The following PAX9 variants were observed in gnomAD, a reference collection of about 807,000 sequenced individuals.
PAX9 encodes paired box 9.
Under a neutral mutation model 29.1 loss-of-function variants are expected in PAX9, and 6 were observed. That is an observed-to-expected ratio of 0.21 (90% CI 0.11 to 0.41). The LOEUF (loss-of-function observed/expected upper bound fraction) is 0.41, where lower values mean the gene tolerates loss of function less well. Ranked by LOEUF, PAX9 falls within the 10% of genes least tolerant of loss-of-function variation. PAX9 has a pLI of 1.00. For missense variants in PAX9, 443 were observed against 479.1 expected, an observed-to-expected ratio of 0.92 and a Z score of 0.70; for synonymous variants, 217 against 211.7, an observed-to-expected ratio of 1.03 and a Z score of -0.22.
upstream of PAX9, among the ~76,000 whole-genome samples, chr14:36,660,455 G>A (rs1881215025): frequency 6.6e-6 from 1 of 152,212 alleles, no homozygotes; most frequent in African/African-American, 2.4e-5. Flanking sequence ...CATTCTGTTA[G>A]GTAATTTTGA....
At chr14:36,661,152 C>T (rs972971661), upstream of PAX9, among the ~76,000 whole-genome samples, 19 of 152,240 alleles carry the variant, frequency 1.2e-4, no homozygotes, top group African/African-American at 4.6e-4. Context: ...TAGCGTTAGC[C>T]GCCTGTGGTT....
intron 3 of PAX9, among the ~76,000 whole-genome samples, chr14:36,673,027 G>T (rs989290706): frequency 6.6e-6 from 1 of 150,896 alleles, no homozygotes; most frequent in Admixed American, 6.6e-5. Flanking sequence ...CACCACACCC[G>T]GCTAATTTTT....
chr14:36,672,678 G>A (rs1349846504), intron 3 of PAX9, among the ~76,000 whole-genome samples: 2 of 134,704 alleles, frequency 1.5e-5, no homozygotes, highest in Admixed American at 1.6e-4. Flanking sequence ...AAAGTAAAAA[G>A]TAAAATTAAG....
rs373205266 is a variant in PAX9 at position 36,677,734 on chromosome 14, A to C, written c.*1282A>C. The C allele has an allele frequency of 7.2e-5, 11 of 152,248 alleles. No individual in the cohort carries two copies. Among genetic ancestry groups the C allele is most frequent in the African/African-American group, 2.7e-4 (11 of 41,472 alleles). 9.4% of individuals were successfully genotyped at this position (152,248 alleles called of 1,614,324 possible). On this transcript the variant is annotated 3_prime_UTR_variant, in exon 4 of 4. Coordinates refer to ENST00000361487, the MANE Select transcript of PAX9 (RefSeq NM_001372076.1). Reference sequence around the variant, plus strand: ...AGGTAAACTGGTGGTGGTACTAGAAATACAATGTTATTTAATTTTAACAAA... The same window carrying C: ...AGGTAAACTGGTGGTGGTACTAGAACTACAATGTTATTTAATTTTAACAAA...
In PAX9 at chr14:36,676,264, C is replaced by G. The variant is rs1881884136; in HGVS notation, c.838C>G (p.Pro280Ala). 2 of 1,614,144 alleles carry G rather than the reference C, an allele frequency of 1.2e-6. No homozygotes were observed. Among genetic ancestry groups the G allele is most frequent in the Non-Finnish European group, 1.7e-6 (2 of 1,180,022 alleles). ...ATCCAGCATGGCTCCTTACCCTACC[C>G]CAGCCCAAGTGTCGCCTTACATGAC... ...SASSMAPYPTPAQVSPYMTYS... is the reference protein window; with the variant it reads ...SASSMAPYPTAAQVSPYMTYS... Residue 280 changes from proline (P) to alanine (A), a missense_variant, in exon 4 of 4, where the codon CCA becomes GCA. By Grantham distance (27) the Pro-to-Ala change is conservative (BLOSUM62 -1). Around this residue, in one of 2 missense-constraint regions of PAX9, gnomAD observed 336 missense variants for 317.2 expected, o/e 1.06. Coordinates refer to ENST00000361487, the MANE Select transcript of PAX9 (RefSeq NM_001372076.1).
At chr14:36,668,367 CAA>C (rs71124775) in intron 3 of PAX9, among the ~76,000 whole-genome samples, 4 of 151,596 alleles carry the variant, frequency 2.6e-5, no homozygotes, top group Non-Finnish European at 5.9e-5. Flanking sequence ...GTCATAATCC[CAA>C]AAAAAACCCT....
At chr14:36,665,436 A>G (rs1224744966) in intron 2 of PAX9, among the ~76,000 whole-genome samples, 1 of 152,186 alleles carries the variant, frequency 6.6e-6, no homozygotes, top group Non-Finnish European at 1.5e-5. Flanking sequence ...ATCAAGTTAC[A>G]ATGGCTTTGC....
chr14:36,675,790 G>A (rs1002395606), intron 3 of PAX9, among the ~76,000 whole-genome samples: 3 of 152,138 alleles, frequency 2.0e-5, no homozygotes, highest in African/African-American at 7.2e-5. Context: ...CCTGTCACAA[G>A]TGCCTCAACA....
At chr14:36,659,394 G>C (rs932596559), upstream of PAX9, among the ~76,000 whole-genome samples, 1 of 152,120 alleles carries the variant, frequency 6.6e-6, no homozygotes, top group Non-Finnish European at 1.5e-5. Context: ...CCTAGCACTC[G>C]GTCCGCGCCC....
chr14:36,672,852 C>CTTTTTTTTTATTTTTTT (rs1881740417), intron 3 of PAX9, among the ~76,000 whole-genome samples: 1 of 19,146 alleles, frequency 5.2e-5, no homozygotes, highest in Non-Finnish European at 9.6e-5. Flanking sequence ...TTCTTTCTTC[C>CTTTTTTTTTATTTTTTT]TTTTTTTTTT....
At position 36,676,648 on chromosome 14, in the gene PAX9, G is replaced by T; in HGVS notation, c.*196G>T. 3 of 651,896 alleles carry T rather than the reference G, an allele frequency of 4.6e-6. No homozygotes were observed. Among genetic ancestry groups the T allele is most frequent in the Non-Finnish European group, 5.4e-6 (2 of 372,474 alleles). The allele number at this position is 651,896 out of a possible 1,614,324, so 40.4% of individuals were successfully genotyped here. A position where few individuals can be genotyped will look rare whatever the true frequency, so the allele number is the denominator to read the frequency against. On this transcript the variant is annotated 3_prime_UTR_variant, in exon 4 of 4. Coordinates refer to ENST00000361487, the MANE Select transcript of PAX9 (RefSeq NM_001372076.1). Reference sequence around the variant, plus strand: ...ATAACTTTTCTCTTGCAGAAAAACTGACATGACTTTAGGATTTAAAAACAA... The same window carrying T: ...ATAACTTTTCTCTTGCAGAAAAACTTACATGACTTTAGGATTTAAAAACAA...
At position 36,663,341 on chromosome 14, in the gene PAX9, C is replaced by T; in HGVS notation, c.449C>T (p.Pro150Leu). 1.2e-6 allele frequency: 2 copies of T among 1,614,134 alleles called. No homozygotes were observed. Among genetic ancestry groups the T allele is most frequent in the Non-Finnish European group, 8.5e-7 (1 of 1,180,034 alleles). Residue 150 changes from proline (P) to leucine (L), a missense_variant, in exon 2 of 4, where the codon CCG (proline) becomes CTG (leucine). By Grantham distance (98) the Pro-to-Leu change is moderately conservative. Around this residue, in one of 2 missense-constraint regions of PAX9, gnomAD observed 336 missense variants for 317.2 expected, o/e 1.06. Transcript: ENST00000361487. ...TCATACAAGCAGCACCAGCCGACGCCGCAGCCAGCGCTGCCCTACAACCAC... is the reference window on the plus strand; with the variant it reads ...TCATACAAGCAGCACCAGCCGACGCTGCAGCCAGCGCTGCCCTACAACCAC... The part of the protein sequence containing the change: ...YDSYKQHQPT[P>L]QPALPYNHIY...
At chr14:36,666,169 AG>A in intron 2 of PAX9, 1 of 424,960 alleles carries the variant, frequency 2.4e-6, no homozygotes, top group Non-Finnish European at 4.3e-6. Flanking sequence ...GCCCTGGGAG[AG>A]CAAAGGGGCG....
Position 36,663,427 on chromosome 14 carries a change from G to T in PAX9, c.535G>T (p.Val179Leu), listed in dbSNP as rs376393242. The change falls in exon 2 of 4, where the codon GTG becomes TTG. Residue 179 changes from valine to leucine, a missense_variant. Val to Leu is a conservative substitution (Grantham distance 32). Coordinates refer to ENST00000361487, the MANE Select transcript of PAX9 (RefSeq NM_001372076.1). The part of the protein sequence containing the change: ...AAAKVPTPPG[V>L]PAIPGSVAMP... Reference sequence around the variant, plus strand: ...CGCCAAGGTGCCCACGCCACCCGGGGTGCCTGCCATCCCCGGTTCGGTGGC... The same window carrying T: ...CGCCAAGGTGCCCACGCCACCCGGGTTGCCTGCCATCCCCGGTTCGGTGGC... 4.3e-6 allele frequency: 7 copies of T among 1,612,888 alleles called. No individual in the cohort carries two copies. The highest frequency in any genetic ancestry group is 2.2e-5 in the East Asian group (1 of 44,832).
chr14:36,663,531 C>T lies in PAX9; in HGVS notation c.631+8C>T. On this transcript the variant is annotated splice_region_variant and intron_variant, in intron 2 of 3. Transcript: ENST00000361487. ...GCTCCATCACCGACCAAGGTAGGGG[C>T]TCAGAGGCTGGGCGTGTGGATGTGC... 6.2e-7 allele frequency: 1 copy of T among 1,612,708 alleles called. No individual in the cohort carries two copies. The highest frequency in any genetic ancestry group is 8.5e-7 in the Non-Finnish European group (1 of 1,179,910).
Position 36,662,979 on chromosome 14 carries a change from C to G in PAX9, c.87C>G (p.Ile29Met). Residue 29 changes from isoleucine (I) to methionine (M), a missense_variant, in exon 2 of 4, where the codon ATC (isoleucine) becomes ATG (methionine). Physicochemically the swap from Ile to Met is conservative, Grantham distance 10 (BLOSUM62 1). Around this residue, in one of 2 missense-constraint regions of PAX9, gnomAD observed 107 missense variants for 161.9 expected, o/e 0.66. Coordinates refer to ENST00000361487, the MANE Select transcript of PAX9 (RefSeq NM_001372076.1). The part of the protein sequence containing the change: ...RPLPNAIRLR[I>M]VELAQLGIRP... ...TGCCCAACGCCATCCGGCTTCGCAT[C>G]GTGGAACTGGCCCAACTGGGCATCC... The G allele has an allele frequency of 6.2e-7, 1 of 1,613,602 alleles. No homozygotes were observed. Among genetic ancestry groups the G allele is most frequent in the Non-Finnish European group, 8.5e-7 (1 of 1,180,002 alleles).
At chr14:36,668,164 A>T (rs1881573754) in intron 3 of PAX9, among the ~76,000 whole-genome samples, 1 of 152,204 alleles carries the variant, frequency 6.6e-6, no homozygotes. Flanking sequence ...CCATAGTCAA[A>T]AAGCTTCAAG....
chr14:36,668,677 G>A (rs1235638508), intron 3 of PAX9, among the ~76,000 whole-genome samples: 3 of 152,078 alleles, frequency 2.0e-5, no homozygotes, highest in Non-Finnish European at 2.9e-5. Context: ...GTGAGCCACC[G>A]TGCCGGCCAG....
Position 36,676,884 on chromosome 14 carries a change from A to G in PAX9, c.*432A>G. On this transcript the variant is annotated 3_prime_UTR_variant, in exon 4 of 4. Coordinates refer to ENST00000361487, the MANE Select transcript of PAX9 (RefSeq NM_001372076.1). ...AATCAATAAAGGAAAATACTTATAG[A>G]AAAAATTATGCTACACCCTCTAATC... The G allele has an allele frequency of 4.5e-6, 1 of 222,248 alleles. No homozygotes were observed. The highest frequency in any genetic ancestry group is 9.1e-6 in the Non-Finnish European group (1 of 109,720). The allele number at this position is 222,248 out of a possible 1,614,324, so 13.8% of individuals were successfully genotyped here. A position where few individuals can be genotyped will look rare whatever the true frequency, so the allele number is the denominator to read the frequency against.
Sources: gnomAD v4.1 joint callset for allele counts (sites outside exome capture counted in the v4.1 genomes callset) on GRCh38, gnomAD v4.1.1 for gene constraint, gnomAD v4.1.1 regional missense constraint, MANE v1.5 for transcripts, NCBI Gene and HGNC (gene_info 2026-07-23, HGNC 2026-07-21) for gene names.